RUNDC1: variants seen among roughly 807,000 people sequenced by gnomAD.
RUNDC1 encodes RUN domain containing 1.
RUNDC1 carries 31 observed loss-of-function variants against 49.3 expected under a neutral mutation model. That is an observed-to-expected ratio of 0.63 (90% CI 0.47 to 0.85). The LOEUF is 0.85. Ranked by LOEUF, RUNDC1 falls within the 40% of genes least tolerant of loss-of-function variation. The pLI, the probability that RUNDC1 is intolerant of heterozygous loss-of-function variation, is 0.00. For synonymous variants in RUNDC1, 347 were observed against 348.6 expected, an observed-to-expected ratio of 1.00 and a Z score of 0.05; for missense variants, 715 against 806.7, an observed-to-expected ratio of 0.89 and a Z score of 1.38.
At chr17:42,982,220 C>T (rs968787632) in intron 1 of RUNDC1, among the ~76,000 whole-genome samples, 5 of 152,000 alleles carry the variant, frequency 3.3e-5, no homozygotes, top group Admixed American at 1.3e-4. Flanking sequence ...CTCCTGAGCT[C>T]AAGCGATCTG....
intron 1 of RUNDC1, among the ~76,000 whole-genome samples, chr17:42,985,045 G>A (rs1228486543): frequency 6.6e-6 from 1 of 151,714 alleles, no homozygotes; most frequent in East Asian, 1.9e-4. Flanking sequence ...ACAGGCACGT[G>A]CCACCACACT....
At chr17:42,987,134 T>C (rs2151958769) in intron 1 of RUNDC1, 122 bp from the exon 2 acceptor site, 1 of 665,678 alleles carries the variant, frequency 1.5e-6, no homozygotes, top group Non-Finnish European at 2.6e-6. Context: ...GAATTGTGTA[T>C]TTCATTTGGA....
At position 42,990,275 on chromosome 17, in the gene RUNDC1, A is replaced by G. The variant is rs375085301; in HGVS notation, c.857-42A>G. 7.5e-6 allele frequency: 12 copies of G among 1,606,090 alleles called. No individual in the cohort carries two copies. In the African/African-American group the frequency reaches 1.6e-4, roughly 22 times the overall value. On this transcript the variant is annotated intron_variant, in intron 3 of 4. Transcript: ENST00000361677. ...TATTTTTCCTTTAAAGATCTGCCAT[A>G]AAGGGCTAAATAAGTGTCTCTTCTA...
At chr17:42,990,727 G>C (rs2050227249) in intron 4 of RUNDC1, 124 bp from the exon 5 acceptor site, 1 of 1,137,902 alleles carries the variant, frequency 8.8e-7, no homozygotes, top group African/African-American at 1.6e-5. Flanking sequence ...CTACATCCTG[G>C]GTGGCTCTTG....
In RUNDC1 at chr17:42,991,223, GC is replaced by G; in HGVS notation, c.1351del (p.Val452LeufsTer26). 1.2e-6 allele frequency: 2 copies of G among 1,614,222 alleles called. No individual in the cohort carries two copies. The highest frequency in any genetic ancestry group is 1.7e-6 in the Non-Finnish European group (2 of 1,180,034). ...CTGTATGCCTCCTCCCCAGGGATGA[GC>G]CTTGTTATGGCTCCTATTGCTTGTT... is the stretch of plus-strand genomic sequence containing the variant. ...HGLYASSPGM[S>X]LVMAPIACLL... On this transcript the variant is annotated frameshift_variant, in exon 5 of 5. Coordinates refer to ENST00000361677, the MANE Select transcript of RUNDC1 (RefSeq NM_173079.5). LOFTEE classifies it high-confidence loss of function.
At position 42,994,989 on chromosome 17, in the gene RUNDC1, A is replaced by T. The variant is rs1175414229; in HGVS notation, c.*3273A>T. 6.6e-6 allele frequency among the ~76,000 whole-genome samples: 1 copy of T among 152,182 alleles called. No homozygotes were observed. Among genetic ancestry groups the T allele is most frequent in the Non-Finnish European group, 1.5e-5 (1 of 68,042 alleles). On this transcript the variant is annotated 3_prime_UTR_variant, in exon 5 of 5. Coordinates refer to ENST00000361677, the MANE Select transcript of RUNDC1 (RefSeq NM_173079.5). The stretch of plus-strand genomic sequence containing the variant: ...GGTGCTCTCCAATCATTCATTCACT[A>T]TTGATCACTTAGCAACTGCCTGCCT...
At chr17:42,983,358 CT>C (rs1394963040) in intron 1 of RUNDC1, among the ~76,000 whole-genome samples, 110 of 145,242 alleles carry the variant, frequency 7.6e-4, no homozygotes, top group African/African-American at 2.1e-3. Flanking sequence ...TACCACTTAC[CT>C]TTTTTTTTCT....
intron 1 of RUNDC1, among the ~76,000 whole-genome samples, chr17:42,985,331 A>G (rs1392678077): frequency 6.6e-6 from 1 of 152,224 alleles, no homozygotes; most frequent in Non-Finnish European, 1.5e-5. Context: ...ACAGAATCCT[A>G]AACAAATAAT....
In RUNDC1 at chr17:42,993,068, C is replaced by A. The variant is rs536969280; in HGVS notation, c.*1352C>A. 1 of 152,308 alleles carries A rather than the reference C, an allele frequency of 6.6e-6. No individual in the cohort carries two copies. The highest frequency in any genetic ancestry group is 2.4e-5 in the African/African-American group (1 of 41,566). 9.4% of individuals were successfully genotyped at this position (152,308 alleles called of 1,614,324 possible). A position where few individuals can be genotyped will look rare whatever the true frequency, so the allele number is the denominator to read the frequency against. The stretch of plus-strand genomic sequence containing the variant: ...ATATACAGGAATACAAATCGGTAAC[C>A]AGCAGCTGTTCCTCAGGTTGTGACT... On this transcript the variant is annotated 3_prime_UTR_variant, in exon 5 of 5. Transcript: ENST00000361677.
intron 1 of RUNDC1, chr17:42,985,772 A>G: frequency 2.8e-6 from 2 of 721,484 alleles, no homozygotes; most frequent in Non-Finnish European, 3.4e-6. Flanking sequence ...CTCAAGAAAG[A>G]CAAGGAAGAA....
chr17:42,981,446 C>T (rs2050086557), intron 1 of RUNDC1: 1 of 222,302 alleles, frequency 4.5e-6, no homozygotes, highest in African/African-American at 2.3e-5. Context: ...TAGAGGACCC[C>T]GACTCTGGGG....
At position 42,990,975 on chromosome 17, in the gene RUNDC1, C is replaced by A. The variant is rs1567732700; in HGVS notation, c.1101C>A (p.Thr367=). ...FGCATGQIPP[T]LWQRVQADRD... ...GTGCCACAGGCCAGATCCCTCCAAC[C>A]CTGTGGCAGAGGGTCCAGGCTGACA... is the stretch of plus-strand genomic sequence containing the variant. Residue 367 remains threonine, a synonymous_variant, in exon 5 of 5, where the codon ACC becomes ACA. Coordinates refer to ENST00000361677, the MANE Select transcript of RUNDC1 (RefSeq NM_173079.5). 6.2e-7 allele frequency: 1 copy of A among 1,614,156 alleles called. No individual in the cohort carries two copies. Among genetic ancestry groups the A allele is most frequent in the Non-Finnish European group, 8.5e-7 (1 of 1,180,002 alleles).
chr17:42,993,367 G>C lies in RUNDC1; in HGVS notation c.*1651G>C, dbSNP rs2050270122. 1 of 152,180 alleles carries C rather than the reference G, an allele frequency of 6.6e-6. No individual in the cohort carries two copies. Among genetic ancestry groups the C allele is most frequent in the African/African-American group, 2.4e-5 (1 of 41,440 alleles). 9.4% of individuals were successfully genotyped at this position (152,180 alleles called of 1,614,324 possible). A position where few individuals can be genotyped will look rare whatever the true frequency, so the allele number is the denominator to read the frequency against. On this transcript the variant is annotated 3_prime_UTR_variant, in exon 5 of 5. Transcript: ENST00000361677. ...AAAATGTATCACTCCAAACACTACT[G>C]ATTCAGCATTGTTTTCATGTCTTAA...
At position 42,980,673 on chromosome 17, in the gene RUNDC1, C is replaced by T. The variant is rs768630844; in HGVS notation, c.97C>T (p.Pro33Ser). ...AGAGGAGGAGGAAGAGGAGCCGCTG[C>T]CACCGTGCGAGGCGGTGCGCTGGGC... The part of the protein sequence containing the change: ...DEEEEEEEPL[P>S]PCEAVRWAPV... Residue 33 changes from proline to serine, a missense_variant, in exon 1 of 5, where the codon CCA becomes TCA. Coordinates refer to ENST00000361677, the MANE Select transcript of RUNDC1 (RefSeq NM_173079.5). The T allele has an allele frequency of 1.9e-6, 3 of 1,581,276 alleles. No homozygotes were observed. The highest frequency in any genetic ancestry group is 2.6e-6 in the Non-Finnish European group (3 of 1,166,812).
At chr17:42,987,733 G>A (rs915476454) in intron 2 of RUNDC1, among the ~76,000 whole-genome samples, 1 of 152,086 alleles carries the variant, frequency 6.6e-6, no homozygotes, top group Non-Finnish European at 1.5e-5. Context: ...ATCATACAAT[G>A]TAATCTAGCT....
rs1258543157 is a variant in RUNDC1, at chr17:42,980,741, G to A, written c.165G>A (p.Ala55=). ...CGGAGGCCCGGCCTGGGGCAACCGC[G>A]TTTTTAGAAGAGGCGACGGCCGAGG... The part of the protein sequence containing the change: ...AVAEARPGAT[A]FLEEATAEEP... Residue 55 remains alanine, a synonymous_variant, in exon 1 of 5, where the codon GCG becomes GCA. Coordinates refer to ENST00000361677, the MANE Select transcript of RUNDC1 (RefSeq NM_173079.5). The A allele has an allele frequency of 2.6e-6, 4 of 1,525,684 alleles. No individual in the cohort carries two copies. The highest frequency in any genetic ancestry group is 3.5e-6 in the Non-Finnish European group (4 of 1,140,532). 94.5% of individuals were successfully genotyped at this position (1,525,684 alleles called of 1,614,324 possible). A position where few individuals can be genotyped will look rare whatever the true frequency, so the allele number is the denominator to read the frequency against.
rs2050211880 is a variant in RUNDC1 at position 42,989,555 on chromosome 17, G to A, written c.856+16G>A. ...TTCATCCAAGGTTAGAGGAGGGGATGGGATGAGAAGGGTGGACAGGTGTCA... is the reference window on the plus strand; with the variant it reads ...TTCATCCAAGGTTAGAGGAGGGGATAGGATGAGAAGGGTGGACAGGTGTCA... On this transcript the variant is annotated intron_variant, in intron 3 of 4. Coordinates refer to ENST00000361677, the MANE Select transcript of RUNDC1 (RefSeq NM_173079.5). The A allele has an allele frequency of 1.9e-6, 3 of 1,599,452 alleles. No homozygotes were observed. The highest frequency in any genetic ancestry group is 3.3e-5 in the Admixed American group (2 of 59,966).
At chr17:42,987,546 A>T (rs570746506) in intron 2 of RUNDC1, 132 bp downstream of exon 2, 2 of 817,436 alleles carry the variant, frequency 2.4e-6, no homozygotes, top group East Asian at 5.0e-5. Flanking sequence ...CCCAAATCAA[A>T]GGGAAATTTT....
rs61995866 is a variant in RUNDC1 at position 42,991,030 on chromosome 17, G to C, written c.1156G>C (p.Glu386Gln). Residue 386 changes from glutamate to glutamine, a missense_variant, in exon 5 of 5, where the codon GAG becomes CAG. Around this residue, in one of 5 missense-constraint regions of RUNDC1, gnomAD observed 425 missense variants for 499.7 expected, o/e 0.85. Coordinates refer to ENST00000361677, the MANE Select transcript of RUNDC1 (RefSeq NM_173079.5). ...RDYSPLLKRL[E>Q]VSVDRVKQLA... is the part of the protein sequence containing the mutation. ...CTACTCTCCCTTGCTGAAGAGGCTG[G>C]AGGTGTCAGTGGACAGAGTGAAGCA... 1.0e-3 allele frequency: 1,614 copies of C among 1,614,140 alleles called. 7 individuals are homozygous for C. Among genetic ancestry groups the C allele is most frequent in the Non-Finnish European group, 9.7e-4 (1,144 of 1,180,014 alleles).
Sources: gnomAD v4.1 joint callset for allele counts (sites outside exome capture counted in the v4.1 genomes callset) on GRCh38, gnomAD v4.1.1 for gene constraint, gnomAD v4.1.1 regional missense constraint, MANE v1.5 for transcripts, NCBI Gene and HGNC (gene_info 2026-07-23, HGNC 2026-07-21) for gene names.